The following ALDH2 variants were observed in gnomAD, a reference collection of about 807,000 sequenced individuals.
ALDH2 encodes aldehyde dehydrogenase 2 family member.
A neutral mutation model predicts 59.6 loss-of-function variants in ALDH2; 44 were observed. That is an observed-to-expected ratio of 0.74 (90% confidence interval 0.58 to 0.95). The LOEUF (loss-of-function observed/expected upper bound fraction) is 0.95. Among genes scored for constraint, ALDH2 ranks in the 40% least tolerant of loss-of-function variants. ALDH2 has a pLI of 0.00. For synonymous variants in ALDH2, 291 were observed against 284.0 expected (o/e 1.02, Z -0.25); for missense variants, 570 against 696.3 (o/e 0.82, Z 2.04).
At chr12:111,790,233 G>A (rs1467191232) in intron 5 of ALDH2, among the ~76,000 whole-genome samples, 9 of 152,238 alleles carry the variant, frequency 5.9e-5, no homozygotes, top group South Asian at 4.2e-4. Flanking sequence ...ATAAAAGCAC[G>A]GATAAATGTG....
At position 111,778,721 on chromosome 12, in the gene ALDH2, C is replaced by A. The variant is rs1331644281; in HGVS notation, c.115-3197C>A. Among the ~76,000 whole-genome samples the A allele has an allele frequency of 2.6e-5, 4 of 151,648 alleles. No individual in the cohort carries two copies. The East Asian group carries it at 7.8e-4, about 30-fold the overall frequency. On this transcript the variant is annotated intron_variant, in intron 1 of 12. Coordinates refer to ENST00000261733, the MANE Select transcript of ALDH2 (RefSeq NM_000690.4). Reference sequence around the variant, plus strand: ...TGGTGGCAGGCGCCTATAGTCCCAGCTACTTGGGAGGCTGAGGCAGGAGAA... The same window carrying A: ...TGGTGGCAGGCGCCTATAGTCCCAGATACTTGGGAGGCTGAGGCAGGAGAA...
At chr12:111,791,244 C>T (rs1159411609) in intron 6 of ALDH2, 62 bp from the exon 7 acceptor site, 2 of 1,283,324 alleles carry the variant, frequency 1.6e-6, no homozygotes, top group Non-Finnish European at 2.2e-6. Flanking sequence ...TGTGTCTTCC[C>T]CTGGTTGAGC....
At chr12:111,782,833 G>A (rs550527886) in intron 2 of ALDH2, among the ~76,000 whole-genome samples, 4 of 151,910 alleles carry the variant, frequency 2.6e-5, no homozygotes, top group South Asian at 4.2e-4. Context: ...GCAATGAGCC[G>A]AGATTGCGCC....
At chr12:111,807,521 A>G (rs2068506456) in intron 12 of ALDH2, among the ~76,000 whole-genome samples, 1 of 152,178 alleles carries the variant, frequency 6.6e-6, no homozygotes, top group Admixed American at 6.6e-5. Flanking sequence ...TGAGTCTTAA[A>G]TCTTGGCACA....
intron 12 of ALDH2, among the ~76,000 whole-genome samples, chr12:111,804,301 C>G (rs957634861): frequency 6.6e-6 from 1 of 152,168 alleles, no homozygotes; most frequent in Non-Finnish European, 1.5e-5. Flanking sequence ...ATGAGAAATA[C>G]TGAGGGACGT....
chr12:111,776,165 T>TC (rs1351469128), intron 1 of ALDH2, among the ~76,000 whole-genome samples: 1 of 152,120 alleles, frequency 6.6e-6, no homozygotes, highest in African/African-American at 2.4e-5. Flanking sequence ...GGCCCACCTC[T>TC]CCCCTTCCTA....
intron 2 of ALDH2, among the ~76,000 whole-genome samples, chr12:111,782,754 CT>C (rs2068281180): frequency 6.6e-6 from 1 of 151,914 alleles, no homozygotes; most frequent in African/African-American, 2.4e-5. Context: ...GTGGTGGCAT[CT>C]CTTGAGTAAT....
intron 1 of ALDH2, 112 bp from the exon 2 acceptor site, chr12:111,781,806 C>A: frequency 1.3e-6 from 1 of 775,092 alleles, no homozygotes; most frequent in Non-Finnish European, 2.1e-6. Context: ...GGCTACACCA[C>A]TCTGAAATTA....
intron 11 of ALDH2, among the ~76,000 whole-genome samples, chr12:111,801,940 C>A (rs1239166008): frequency 6.6e-6 from 1 of 152,028 alleles, no homozygotes; most frequent in Non-Finnish European, 1.5e-5. Flanking sequence ...TGCTGTCAAC[C>A]AGTGATTGTA....
In ALDH2 at chr12:111,816,390, T is replaced by G. The variant is rs1281875509; in HGVS notation, c.*6815T>G. ...ACAGCAGGCTCACAAGATTGCATTCTTTGAACAGTAGGCTCTAGATGTCTC... is the reference window on the plus strand; with the variant it reads ...ACAGCAGGCTCACAAGATTGCATTCGTTGAACAGTAGGCTCTAGATGTCTC... On this transcript the variant is annotated 3_prime_UTR_variant, in exon 13 of 13. Coordinates refer to ENST00000261733, the MANE Select transcript of ALDH2 (RefSeq NM_000690.4). The G allele has an allele frequency of 6.6e-6, 1 of 152,180 alleles. No individual in the cohort carries two copies. The highest frequency in any genetic ancestry group is 2.4e-5 in the African/African-American group (1 of 41,438). The allele number at this position is 152,180 out of a possible 1,614,324, so 9.4% of individuals were successfully genotyped here. A position where few individuals can be genotyped will look rare whatever the true frequency, so the allele number is the denominator to read the frequency against.
rs2068522974 is a variant in ALDH2, at chr12:111,809,861, A to G, written c.*286A>G. ...TTATCCTCTCTCTGAAACGCTTCCT[A>G]TAACTCGAGTTTATAGGGGAAGAAA... On this transcript the variant is annotated 3_prime_UTR_variant, in exon 13 of 13. Transcript: ENST00000261733. 1 of 484,942 alleles carries G rather than the reference A, an allele frequency of 2.1e-6. No homozygotes were observed. The highest frequency in any genetic ancestry group is 3.7e-6 in the Non-Finnish European group (1 of 271,040). The allele number at this position is 484,942 out of a possible 1,614,324, so 30.0% of individuals were successfully genotyped here.
chr12:111,783,818 G>A (rs1304859887), intron 3 of ALDH2, among the ~76,000 whole-genome samples: 5 of 152,042 alleles, frequency 3.3e-5, no homozygotes, highest in South Asian at 4.1e-4. Flanking sequence ...CCTTTGATGC[G>A]GCGGGTTTGG....
At chr12:111,789,087 G>A (rs1347135077) in intron 4 of ALDH2, among the ~76,000 whole-genome samples, 4 of 145,668 alleles carry the variant, frequency 2.7e-5, no homozygotes, top group Non-Finnish European at 6.0e-5. Context: ...GCGTGATCTC[G>A]GCTCACTGCA....
intron 1 of ALDH2, among the ~76,000 whole-genome samples, chr12:111,780,465 C>T (rs993882938): frequency 6.6e-6 from 1 of 152,222 alleles, no homozygotes; most frequent in Non-Finnish European, 1.5e-5. Flanking sequence ...AGACTTATTC[C>T]TGCCCTGGGG....
chr12:111,801,614 G>A (rs1029534638), intron 11 of ALDH2, among the ~76,000 whole-genome samples: 1 of 151,484 alleles, frequency 6.6e-6, no homozygotes, highest in Non-Finnish European at 1.5e-5. Context: ...CAGGAGAATC[G>A]CTTGAACCTG....
intron 6 of ALDH2, 130 bp downstream of exon 6, chr12:111,790,692 C>A: frequency 8.1e-7 from 1 of 1,228,886 alleles, no homozygotes; most frequent in Non-Finnish European, 1.1e-6. Context: ...ACCATGTGAA[C>A]CAGAGTGGCT....
At chr12:111,790,633 G>A in intron 6 of ALDH2, 71 bp downstream of exon 6, 1 of 1,586,592 alleles carries the variant, frequency 6.3e-7, no homozygotes, top group Non-Finnish European at 8.6e-7. Context: ...GTTCTGAGAA[G>A]GGTCTCAGGG....
chr12:111,792,396 C>T (rs978347396), intron 8 of ALDH2, among the ~76,000 whole-genome samples: 1 of 152,264 alleles, frequency 6.6e-6, no homozygotes, highest in African/African-American at 2.4e-5. Flanking sequence ...CTATCTGACT[C>T]ATCCACTTGC....
At position 111,815,228 on chromosome 12, in the gene ALDH2, A is replaced by G. The variant is rs923557830; in HGVS notation, c.*5653A>G. 9 of 152,110 alleles carry G rather than the reference A, an allele frequency of 5.9e-5. No homozygotes were observed. The highest frequency in any genetic ancestry group is 1.9e-4 in the African/African-American group (8 of 41,388). The allele number at this position is 152,110 out of a possible 1,614,324, so 9.4% of individuals were successfully genotyped here. A position where few individuals can be genotyped will look rare whatever the true frequency, so the allele number is the denominator to read the frequency against. On this transcript the variant is annotated 3_prime_UTR_variant, in exon 13 of 13. Transcript: ENST00000261733. ...AATATTTTCATTTTTTATATTTTTT[A>G]ATGACAGGGTCTAACTCCGTCGTCC...
Sources: allele counts gnomAD v4.1 joint callset (sites outside exome capture counted in the v4.1 genomes callset), GRCh38; gene constraint gnomAD v4.1.1; transcripts MANE v1.5; gene names NCBI Gene and HGNC (gene_info 2026-07-23, HGNC 2026-07-21).